GPD2: variants seen among roughly 807,000 people sequenced by gnomAD.
GPD2 encodes glycerol-3-phosphate dehydrogenase, mitochondrial.
A neutral mutation model predicts 82.4 loss-of-function variants in GPD2; 54 were observed. The observed-to-expected ratio is 0.66, with a 90% CI of 0.53 to 0.82. The LOEUF is 0.82. Ranked by LOEUF, GPD2 falls within the 40% of genes least tolerant of loss-of-function variation. The pLI is 0.00. For synonymous variants in GPD2, 288 were observed against 306.1 expected, an observed-to-expected ratio of 0.94 and a Z score of 0.62; for missense variants, 748 against 896.2, an observed-to-expected ratio of 0.83 and a Z score of 2.11.
At chr2:156,426,963 T>C in the GPD2 span, among the ~76,000 whole-genome samples, 7 of 152,220 alleles carry the variant, frequency 4.6e-5, no homozygotes, top group African/African-American at 1.7e-4. Flanking sequence ...TTAGGATTAA[T>C]ACTTCTGAAA....
chr2:156,535,204 G>T (rs562314593), intron 6 of GPD2, among the ~76,000 whole-genome samples: 1 of 151,854 alleles, frequency 6.6e-6, no homozygotes, highest in Non-Finnish European at 1.5e-5. Context: ...GGTACTCAGG[G>T]TGCAGAAAAC....
intron 1 of GPD2, among the ~76,000 whole-genome samples, chr2:156,451,689 G>T (rs1482867291): frequency 7.0e-6 from 1 of 142,788 alleles, no homozygotes; most frequent in African/African-American, 2.6e-5. Context: ...CTGGCAGGGC[G>T]GGGGGCTGAC....
chr2:156,568,006 G>A (rs1355795780), intron 9 of GPD2, among the ~76,000 whole-genome samples: 1 of 152,104 alleles, frequency 6.6e-6, no homozygotes, highest in African/African-American at 2.4e-5. Flanking sequence ...ACCTGTTTCT[G>A]TGTCAGTGCT....
At chr2:156,531,664 A>G (rs1330298051) in intron 6 of GPD2, among the ~76,000 whole-genome samples, 1 of 152,218 alleles carries the variant, frequency 6.6e-6, no homozygotes, top group East Asian at 1.9e-4. Flanking sequence ...AGTCTGCACC[A>G]TGGAGCTCAC....
intron 3 of GPD2, among the ~76,000 whole-genome samples, chr2:156,502,311 T>C (rs1018822917): frequency 3.3e-5 from 5 of 152,184 alleles, no homozygotes; most frequent in Non-Finnish European, 7.3e-5. Context: ...CTTTTGATTT[T>C]ATAAAAATTA....
chr2:156,546,941 A>G (rs1686564354), intron 6 of GPD2, among the ~76,000 whole-genome samples: 1 of 152,120 alleles, frequency 6.6e-6, no homozygotes, highest in South Asian at 2.1e-4. Flanking sequence ...AGCGAATGAG[A>G]TTAGGCTAAA....
chr2:156,457,791 T>A (rs1682838258), intron 1 of GPD2, among the ~76,000 whole-genome samples: 1 of 152,232 alleles, frequency 6.6e-6, no homozygotes, highest in South Asian at 2.1e-4. Flanking sequence ...GTGGACAATG[T>A]GTGAAAAGGC....
intron 2 of GPD2, among the ~76,000 whole-genome samples, chr2:156,484,129 A>ACTCCC (rs1683842241): frequency 6.8e-6 from 1 of 147,574 alleles, no homozygotes; most frequent in Non-Finnish European, 1.5e-5. Flanking sequence ...CAATCTTTCC[A>ACTCCC]CTCCCCTCCC....
At chr2:156,556,786 T>G (rs571739228) in intron 8 of GPD2, among the ~76,000 whole-genome samples, 6 of 152,170 alleles carry the variant, frequency 3.9e-5, no homozygotes, top group Non-Finnish European at 8.8e-5. Flanking sequence ...TTTTGAGATT[T>G]TTGTAACCTC....
At chr2:156,442,756 A>G (rs298301) in intron 1 of GPD2, among the ~76,000 whole-genome samples, 48,603 of 152,030 alleles carry the variant, frequency 0.32, 9,224 homozygotes, top group Middle Eastern at 0.44. Flanking sequence ...CCATGATTGC[A>G]TTACTGCACT....
At chr2:156,494,149 G>T (rs538225598) in intron 2 of GPD2, among the ~76,000 whole-genome samples, 1 of 152,250 alleles carries the variant, frequency 6.6e-6, no homozygotes, top group African/African-American at 2.4e-5. Context: ...GTGGTTTGGT[G>T]TCAGAATTTG....
chr2:156,549,449 C>T (rs1686668608), intron 6 of GPD2, among the ~76,000 whole-genome samples, 159 bp from the exon 7 acceptor site: 1 of 152,140 alleles, frequency 6.6e-6, no homozygotes, highest in Non-Finnish European at 1.5e-5. Flanking sequence ...CTGAGAATGA[C>T]CGTGTATTTT....
chr2:156,469,713 C>T (rs560016013), intron 1 of GPD2, among the ~76,000 whole-genome samples: 19 of 152,248 alleles, frequency 1.2e-4, no homozygotes, highest in Admixed American at 2.6e-4. Flanking sequence ...CTGTACTCTC[C>T]GCCCCTCCAT....
At chr2:156,429,779 A>T in the GPD2 span, among the ~76,000 whole-genome samples, 3 of 152,176 alleles carry the variant, frequency 2.0e-5, no homozygotes, top group African/African-American at 7.2e-5. Context: ...ATATTTTTAG[A>T]TGTCTATAAC....
the GPD2 span, among the ~76,000 whole-genome samples, chr2:156,426,625 G>T: frequency 1.3e-5 from 2 of 152,168 alleles, no homozygotes; most frequent in East Asian, 3.9e-4. Flanking sequence ...AAAGACTGTT[G>T]TTAGAAACAT....
At chr2:156,515,331 C>T (rs528248142) in intron 6 of GPD2, among the ~76,000 whole-genome samples, 1 of 151,506 alleles carries the variant, frequency 6.6e-6, no homozygotes, top group Admixed American at 6.6e-5. Context: ...TGAGATCCCG[C>T]CATTACACTC....
At chr2:156,526,343 T>C (rs1392904566) in intron 6 of GPD2, among the ~76,000 whole-genome samples, 2 of 151,900 alleles carry the variant, frequency 1.3e-5, no homozygotes, top group Non-Finnish European at 2.9e-5. Context: ...AATCAGAGAG[T>C]CTCAAATGCT....
chr2:156,423,905 C>T, the GPD2 span, among the ~76,000 whole-genome samples: 1 of 152,168 alleles, frequency 6.6e-6, no homozygotes, highest in Admixed American at 6.5e-5. Flanking sequence ...AAAGCGCTTT[C>T]CTATCTCCCC....
chr2:156,414,531 CTGAGTAGCTTAGATATTTACA>C, the GPD2 span, among the ~76,000 whole-genome samples: 1 of 152,012 alleles, frequency 6.6e-6, no homozygotes, highest in Non-Finnish European at 1.5e-5. Context: ...TATTTGAATC[CTGAGTAGCTTAGATATTTACA>C]TGCTTTATGG....
Sources: gnomAD v4.1 joint callset for allele counts (sites outside exome capture counted in the v4.1 genomes callset) on GRCh38, gnomAD v4.1.1 for gene constraint, MANE v1.5 for transcripts, NCBI Gene and HGNC (gene_info 2026-07-23, HGNC 2026-07-21) for gene names.